MYO5B: variants seen among roughly 807,000 people sequenced by gnomAD.
The protein encoded by MYO5B is myosin VB.
Under a neutral mutation model 229.3 loss-of-function variants are expected in MYO5B, and 143 were observed. The ratio of observed to expected loss-of-function variants is 0.62; its 90% confidence interval spans 0.54 to 0.72. MYO5B has a LOEUF of 0.72. Among genes scored for constraint, MYO5B ranks in the 30% least tolerant of loss-of-function variants. The probability of loss-of-function intolerance (pLI) is 0.00; values close to 1 mark genes in which losing one functional copy is unlikely to be tolerated. For synonymous variants in MYO5B, 918 were observed against 885.2 expected (o/e 1.04, Z -0.66); for missense variants, 2,321 against 2,331.0 (o/e 1.00, Z 0.09).
At chr18:49,827,649 G>C (rs1446158655) in intron 39 of MYO5B, among the ~76,000 whole-genome samples, 1 of 151,670 alleles carries the variant, frequency 6.6e-6, no homozygotes, top group Non-Finnish European at 1.5e-5. Context: ...AAAATAATGA[G>C]GTAAAAATGA....
At chr18:49,874,313 A>G (rs779236132) in intron 26 of MYO5B, among the ~76,000 whole-genome samples, 22 of 152,238 alleles carry the variant, frequency 1.4e-4, no homozygotes, top group Non-Finnish European at 2.9e-4. Flanking sequence ...TGCAATGGGG[A>G]GCCTGGAGAA....
rs376665885 is a variant in MYO5B at position 49,863,191 on chromosome 18, G to C, written c.3944+36C>G. 9.3e-5 allele frequency: 143 copies of C among 1,544,374 alleles called. No individual in the cohort carries two copies. In the African/African-American group the frequency reaches 1.1e-3, roughly 11 times the overall value. On this transcript the variant is annotated intron_variant, in intron 29 of 39. Coordinates refer to ENST00000285039, the MANE Select transcript of MYO5B (RefSeq NM_001080467.3). ...TCGTTTGGGCAGGGCCCTTCTCCGC[G>C]GCCTCGTCCAGCACATTTGACCGCG...
chr18:50,192,893 T>C (rs1433567369), intron 1 of MYO5B, among the ~76,000 whole-genome samples: 2 of 152,252 alleles, frequency 1.3e-5, no homozygotes, highest in Non-Finnish European at 2.9e-5. Flanking sequence ...ATAAAGTTTA[T>C]ATTTTTAATC....
rs968164032 is a variant in MYO5B at position 49,902,819 on chromosome 18, G to A, written c.2586C>T (p.His862=). 3 of 1,600,700 alleles carry A rather than the reference G, an allele frequency of 1.9e-6. No individual in the cohort carries two copies. The highest frequency in any genetic ancestry group is 1.7e-6 in the Non-Finnish European group (2 of 1,179,880). ...RRTYRQVLME[H]KATTIQKHVR... is the part of the protein sequence containing the mutation. Reference sequence around the variant, plus strand: ...CGTGCTTCTGGATGGTGGTGGCCTTGTGCTCCATGAGGACCTGGCGGGAAA... The same window carrying A: ...CGTGCTTCTGGATGGTGGTGGCCTTATGCTCCATGAGGACCTGGCGGGAAA... Residue 862 remains histidine (H), a synonymous_variant, in exon 21 of 40, where the codon CAC becomes CAT. Coordinates refer to ENST00000285039, the MANE Select transcript of MYO5B (RefSeq NM_001080467.3).
intron 39 of MYO5B, among the ~76,000 whole-genome samples, chr18:49,830,171 A>ACACACAC (rs1568600105): frequency 6.6e-6 from 1 of 150,638 alleles, no homozygotes; most frequent in African/African-American, 2.4e-5. Context: ...ACACACACAC[A>ACACACAC]AATATTGCTA....
At chr18:49,892,560 C>G (rs2024727860) in intron 22 of MYO5B, among the ~76,000 whole-genome samples, 1 of 152,204 alleles carries the variant, frequency 6.6e-6, no homozygotes, top group African/African-American at 2.4e-5. Context: ...CAATCTCGCT[C>G]AAAGCAGAGC....
intron 1 of MYO5B, chr18:50,063,722 C>T (rs374955169): frequency 3.9e-5 from 6 of 152,296 alleles, no homozygotes; most frequent in African/African-American, 9.6e-5. Flanking sequence ...GCTATGGTAT[C>T]GTATGTATCG....
At chr18:50,060,614 A>G (rs750481802) in intron 1 of MYO5B, among the ~76,000 whole-genome samples, 3 of 152,222 alleles carry the variant, frequency 2.0e-5, no homozygotes, top group Non-Finnish European at 2.9e-5. Flanking sequence ...AGCCCCACAT[A>G]TTTCCTAGAG....
At chr18:50,059,718 A>C (rs2030641193) in intron 1 of MYO5B, among the ~76,000 whole-genome samples, 1 of 152,132 alleles carries the variant, frequency 6.6e-6, no homozygotes, top group South Asian at 2.1e-4. Context: ...CTGCCTCCTC[A>C]CTTTTATCTT....
intron 4 of MYO5B, among the ~76,000 whole-genome samples, chr18:50,004,646 T>C (rs2026081816): frequency 6.6e-6 from 1 of 152,208 alleles, no homozygotes; most frequent in African/African-American, 2.4e-5. Context: ...CATGTGCCTG[T>C]AGTCCCAGGT....
intron 14 of MYO5B, among the ~76,000 whole-genome samples, chr18:49,944,464 A>G (rs1188049916): frequency 3.9e-5 from 6 of 152,140 alleles, no homozygotes; most frequent in African/African-American, 1.4e-4. Context: ...CATGGAGACC[A>G]GAAGAGCTTA....
intron 5 of MYO5B, among the ~76,000 whole-genome samples, chr18:49,993,923 C>A (rs1294221508): frequency 6.6e-6 from 1 of 152,170 alleles, no homozygotes; most frequent in Non-Finnish European, 1.5e-5. Flanking sequence ...TTGGCAGGAA[C>A]CGACCCTTCC....
At chr18:50,037,020 T>C in intron 3 of MYO5B, 26 bp from the exon 4 acceptor site, 1 of 1,613,880 alleles carries the variant, frequency 6.2e-7, no homozygotes, top group Admixed American at 1.7e-5. Flanking sequence ...GTGGTCAGAT[T>C]CCGACAGCAC....
intron 22 of MYO5B, among the ~76,000 whole-genome samples, chr18:49,892,423 T>C (rs777079171): frequency 1.3e-5 from 2 of 152,186 alleles, no homozygotes; most frequent in Non-Finnish European, 2.9e-5. Context: ...TCGTCAGAGA[T>C]GGCAAGCCCA....
intron 1 of MYO5B, among the ~76,000 whole-genome samples, chr18:50,095,812 G>A (rs566556421): frequency 6.6e-6 from 1 of 152,330 alleles, no homozygotes; most frequent in East Asian, 1.9e-4. Context: ...TATGGGTCAT[G>A]CCACTGAAAG....
rs1182867839 is a variant in MYO5B, at chr18:49,930,246, C to T, written c.2004-648G>A. Among the ~76,000 whole-genome samples, 4 of 152,314 alleles carry T rather than the reference C, an allele frequency of 2.6e-5. No individual in the cohort carries two copies. In the East Asian group the frequency reaches 7.7e-4, roughly 29 times the overall value. ...ACCATGCCTAGCACTGCGTAGGGCA[C>T]ATACGTTGTGTATGCTGTTAGCTAT... On this transcript the variant is annotated intron_variant, in intron 16 of 39. Coordinates refer to ENST00000285039, the MANE Select transcript of MYO5B (RefSeq NM_001080467.3).
intron 22 of MYO5B, among the ~76,000 whole-genome samples, 196 bp downstream of exon 22, chr18:49,894,745 G>A (rs1168973701): frequency 6.6e-6 from 1 of 152,262 alleles, no homozygotes; most frequent in Non-Finnish European, 1.5e-5. Context: ...GCTAACAGCA[G>A]AAGCGCAGTC....
intron 1 of MYO5B, among the ~76,000 whole-genome samples, chr18:50,094,444 T>A (rs1599016390): frequency 6.6e-6 from 1 of 150,858 alleles, no homozygotes; most frequent in African/African-American, 2.4e-5. Flanking sequence ...GTTCTCCCAG[T>A]TTTCTTAAGT....
At chr18:50,045,215 T>A (rs528186079) in intron 2 of MYO5B, among the ~76,000 whole-genome samples, 48 of 152,284 alleles carry the variant, frequency 3.2e-4, no homozygotes, top group African/African-American at 1.2e-3. Context: ...GTAAGCAATT[T>A]GTGAGGAAAG....
Sources: gnomAD v4.1 joint callset for allele counts (sites outside exome capture counted in the v4.1 genomes callset) on GRCh38, gnomAD v4.1.1 for gene constraint, MANE v1.5 for transcripts, NCBI Gene and HGNC (gene_info 2026-07-23, HGNC 2026-07-21) for gene names.